The following SNRPN variants were observed in gnomAD, a reference collection of about 807,000 sequenced individuals.
SNRPN encodes small nuclear ribonucleoprotein polypeptide N.
In SNRPN, 7 loss-of-function variants were observed where a neutral mutation model predicts 25.2. That is an observed-to-expected ratio of 0.28 (90% CI 0.16 to 0.52). The LOEUF is 0.52. Ranked by LOEUF, SNRPN falls within the 20% of genes least tolerant of loss-of-function variation. The probability of loss-of-function intolerance (pLI) is 0.96; values close to 1 mark genes in which losing one functional copy is unlikely to be tolerated. For synonymous variants in SNRPN, 124 were observed against 110.6 expected, an observed-to-expected ratio of 1.12 and a Z score of -0.76; for missense variants, 196 against 322.5, an observed-to-expected ratio of 0.61 and a Z score of 3.00.
chr15:24,852,508 C>T (rs1309330644), upstream of SNRPN, among the ~76,000 whole-genome samples: 2 of 152,054 alleles, frequency 1.3e-5, no homozygotes, highest in East Asian at 1.9e-4. Flanking sequence ...GTGGAATGTC[C>T]CACAATGTGT....
intron 1 of SNRPN, among the ~76,000 whole-genome samples, chr15:24,958,503 T>G (rs1179063078): frequency 2.2e-5 from 3 of 135,754 alleles, no homozygotes; most frequent in African/African-American, 8.6e-5. Context: ...TTTTTTTTTT[T>G]TTTTTTTTTT....
At position 24,971,556 on chromosome 15, in the gene SNRPN, A is replaced by T. The variant is rs113136197; in HGVS notation, c.-143-2755A>T. 2.4e-3 allele frequency among the ~76,000 whole-genome samples: 371 copies of T among 151,796 alleles called. 2 individuals are homozygous for T. Among genetic ancestry groups the T allele is most frequent in the African/African-American group, 8.5e-3 (351 of 41,464 alleles). The stretch of plus-strand genomic sequence containing the variant: ...ATATTATGATATATATATAAATATA[A>T]AATAATAATCTGTCCCTAATTCTCT... On this transcript the variant is annotated intron_variant, in intron 3 of 9. Coordinates refer to ENST00000390687, the MANE Select transcript of SNRPN (RefSeq NM_003097.6).
chr15:24,925,537 GTC>G (rs2060319778), intron 3 of SNRPN, among the ~76,000 whole-genome samples: 1 of 152,062 alleles, frequency 6.6e-6, no homozygotes, highest in African/African-American at 2.4e-5. Context: ...TTTCTGCTGT[GTC>G]TTACTCCATG....
At chr15:24,962,485 A>G (rs1566959684) in intron 2 of SNRPN, among the ~76,000 whole-genome samples, 2 of 152,186 alleles carry the variant, frequency 1.3e-5, no homozygotes, top group African/African-American at 4.8e-5. Flanking sequence ...ACATAAGCAT[A>G]CTTAAATTTT....
chr15:24,884,440 T>C (rs1286837529), intron 1 of SNRPN, among the ~76,000 whole-genome samples: 1 of 152,142 alleles, frequency 6.6e-6, no homozygotes, highest in African/African-American at 2.4e-5. Context: ...GTAGTATAAA[T>C]GCACAGAGAG....
At chr15:24,845,067 CTCCTT>C (rs1417922053) in intron 2 of SNRPN, among the ~76,000 whole-genome samples, 1 of 152,068 alleles carries the variant, frequency 6.6e-6, no homozygotes, top group Admixed American at 6.5e-5. Flanking sequence ...TACAAATACT[CTCCTT>C]TCTTCAATTC....
intron 2 of SNRPN, among the ~76,000 whole-genome samples, chr15:24,897,797 G>C (rs1021967146): frequency 3.3e-5 from 5 of 152,126 alleles, no homozygotes; most frequent in African/African-American, 1.2e-4. Flanking sequence ...ATGTGCCTTT[G>C]CTTCTCCTTT....
intron 3 of SNRPN, among the ~76,000 whole-genome samples, chr15:24,938,356 G>T (rs1259718257): frequency 1.3e-5 from 2 of 152,110 alleles, no homozygotes; most frequent in African/African-American, 4.8e-5. Context: ...TCAAACTCTT[G>T]AACTCAAGTG....
At chr15:24,887,546 G>C (rs2150173809) in intron 2 of SNRPN, among the ~76,000 whole-genome samples, 1 of 150,156 alleles carries the variant, frequency 6.7e-6, no homozygotes, top group African/African-American at 2.4e-5. Flanking sequence ...GCTCACACCT[G>C]TAATCCCAGC....
intron 1 of SNRPN, among the ~76,000 whole-genome samples, chr15:24,862,672 A>G (rs760514934): frequency 6.6e-6 from 1 of 151,170 alleles, no homozygotes; most frequent in Non-Finnish European, 1.5e-5. Flanking sequence ...AAAACTTAAC[A>G]GAAACTAAAC....
intron 2 of SNRPN, among the ~76,000 whole-genome samples, chr15:24,847,861 C>G (rs1199490153): frequency 6.6e-6 from 1 of 152,098 alleles, no homozygotes. Context: ...AACTGTAAAA[C>G]GACTTCAGCT....
intron 3 of SNRPN, among the ~76,000 whole-genome samples, chr15:24,928,431 A>G (rs193026793): frequency 3.2e-4 from 48 of 152,180 alleles, no homozygotes; most frequent in Non-Finnish European, 5.9e-4. Flanking sequence ...TCACAGCAGC[A>G]TGGATGGAAC....
At chr15:24,902,039 T>C (rs1464564684) in intron 2 of SNRPN, among the ~76,000 whole-genome samples, 2 of 152,212 alleles carry the variant, frequency 1.3e-5, no homozygotes, top group Admixed American at 6.5e-5. Flanking sequence ...TTTTTGGACT[T>C]CAGAATGGTA....
intron 1 of SNRPN, among the ~76,000 whole-genome samples, chr15:24,827,227 G>GTA (rs1404154788): frequency 6.6e-6 from 1 of 151,950 alleles, no homozygotes; most frequent in Non-Finnish European, 1.5e-5. Flanking sequence ...AAGAAACACT[G>GTA]TATGCAGCCG....
chr15:24,834,751 C>CTCTCTCTCTCTCTATATATATATATA, intron 2 of SNRPN, among the ~76,000 whole-genome samples: 4 of 60,954 alleles, frequency 6.6e-5, no homozygotes, highest in Non-Finnish European at 6.6e-5. Flanking sequence ...CTCTCTCTCT[C>CTCTCTCTCTCTCTATATATATATATA]TATATATATA....
chr15:24,838,369 G>A (rs938099996), intron 2 of SNRPN, among the ~76,000 whole-genome samples: 2 of 152,122 alleles, frequency 1.3e-5, no homozygotes, highest in African/African-American at 4.8e-5. Context: ...GGTTTCTGGA[G>A]GTGATATCCA....
At chr15:24,970,610 T>C (rs2076281055) in intron 3 of SNRPN, among the ~76,000 whole-genome samples, 1 of 152,198 alleles carries the variant, frequency 6.6e-6, no homozygotes, top group African/African-American at 2.4e-5. Flanking sequence ...ATATTCTGTT[T>C]TTCTTTGGTA....
chr15:24,950,768 G>A (rs997779502), upstream of SNRPN, among the ~76,000 whole-genome samples: 1 of 150,918 alleles, frequency 6.6e-6, no homozygotes, highest in East Asian at 2.0e-4. Context: ...GGCTGGTCTC[G>A]AACTCCTGGA....
chr15:24,953,557 G>A (rs1473342340), upstream of SNRPN, among the ~76,000 whole-genome samples: 8 of 152,110 alleles, frequency 5.3e-5, no homozygotes, highest in Admixed American at 4.6e-4. Context: ...TCCTGACCTC[G>A]TGATCTGCCC....
Sources: allele counts gnomAD v4.1 joint callset (sites outside exome capture counted in the v4.1 genomes callset), GRCh38; gene constraint gnomAD v4.1.1; transcripts MANE v1.5; gene names NCBI Gene and HGNC (gene_info 2026-07-23, HGNC 2026-07-21).